NAV3: variants seen among roughly 807,000 people sequenced by gnomAD.
The protein encoded by NAV3 is neuron navigator 3.
In NAV3, 87 loss-of-function variants were observed where a neutral mutation model predicts 244.7. The ratio of observed to expected loss-of-function variants is 0.36; its 90% CI spans 0.30 to 0.42. NAV3 has a LOEUF of 0.42. Among genes scored for constraint, NAV3 ranks in the 20% least tolerant of loss-of-function variants. NAV3 has a pLI of 1.00. For missense variants in NAV3, 2,663 were observed against 2,893.3 expected (o/e 0.92, Z 1.83); for synonymous variants, 1,126 against 1,042.2 (o/e 1.08, Z -1.55).
At chr12:78,115,924 A>G (rs1211378440) in intron 12 of NAV3, among the ~76,000 whole-genome samples, 4 of 152,246 alleles carry the variant, frequency 2.6e-5, no homozygotes, top group East Asian at 3.8e-4. Context: ...TTAATACAGT[A>G]TGTAACAATA....
chr12:78,162,474 C>A (rs1191037584), intron 23 of NAV3, among the ~76,000 whole-genome samples: 2 of 151,836 alleles, frequency 1.3e-5, no homozygotes, highest in African/African-American at 4.8e-5. Flanking sequence ...ATGTAATATT[C>A]CTCATGGAGT....
intron 1 of NAV3, among the ~76,000 whole-genome samples, chr12:77,879,352 G>A (rs889837855): frequency 2.6e-5 from 4 of 151,944 alleles, no homozygotes; most frequent in Non-Finnish European, 5.9e-5. Flanking sequence ...GGGCTATATA[G>A]GCTGAATTAT....
intron 2 of NAV3, among the ~76,000 whole-genome samples, chr12:77,792,489 T>C (rs1871225389): frequency 6.6e-6 from 1 of 152,194 alleles, no homozygotes; most frequent in Non-Finnish European, 1.5e-5. Flanking sequence ...ACAAGGAACC[T>C]GCTGCCCTGC....
At chr12:78,109,362 A>T (rs1954970158) in intron 12 of NAV3, among the ~76,000 whole-genome samples, 1 of 152,042 alleles carries the variant, frequency 6.6e-6, no homozygotes, top group African/African-American at 2.4e-5. Flanking sequence ...TCACAGCCTA[A>T]TTCTACCAAT....
intron 21 of NAV3, 71 bp downstream of exon 21, chr12:78,146,463 G>T: frequency 3.4e-6 from 2 of 596,546 alleles, no homozygotes; most frequent in South Asian, 9.2e-5. Flanking sequence ...TTAGTCTTGT[G>T]ACCACTAGAG....
chr12:77,776,840 G>T (rs549097858), intron 2 of NAV3, among the ~76,000 whole-genome samples: 1 of 152,256 alleles, frequency 6.6e-6, no homozygotes, highest in East Asian at 1.9e-4. Flanking sequence ...AATTAGCCCG[G>T]TCTGGTGGAG....
chr12:77,667,486 C>T (rs1873768213), intron 2 of NAV3, among the ~76,000 whole-genome samples: 1 of 152,040 alleles, frequency 6.6e-6, no homozygotes. Flanking sequence ...GTGGCTTCCC[C>T]CCACTTCCCT....
At chr12:78,058,273 G>C (rs1883809303) in intron 11 of NAV3, among the ~76,000 whole-genome samples, 1 of 152,154 alleles carries the variant, frequency 6.6e-6, no homozygotes, top group Non-Finnish European at 1.5e-5. Context: ...CATGGCTGGG[G>C]AGGCTTCACA....
chr12:77,869,034 AAAACAAACAAAC>A (rs368022962), intron 1 of NAV3, among the ~76,000 whole-genome samples: 35 of 151,226 alleles, frequency 2.3e-4, no homozygotes, highest in African/African-American at 7.3e-4. Context: ...ATCGAGGTAA[AAAACAAACAAAC>A]AAACAAACAA....
At chr12:77,955,078 G>C (rs1023492270) in intron 3 of NAV3, among the ~76,000 whole-genome samples, 1 of 152,090 alleles carries the variant, frequency 6.6e-6, no homozygotes, top group Non-Finnish European at 1.5e-5. Flanking sequence ...TTCAGGATTT[G>C]TGCTCTGGAG....
chr12:78,168,651 A>C (rs1427092751), intron 23 of NAV3, 104 bp from the exon 24 acceptor site: 1 of 646,920 alleles, frequency 1.5e-6, no homozygotes, highest in African/African-American at 1.9e-5. Context: ...ATCTTCCAGG[A>C]GGTTGTTACT....
At chr12:77,751,235 T>C (rs1868836635) in intron 2 of NAV3, among the ~76,000 whole-genome samples, 2 of 152,224 alleles carry the variant, frequency 1.3e-5, no homozygotes, top group Admixed American at 1.3e-4. Flanking sequence ...TGAGCTTTTC[T>C]ACTTCAAAAA....
At chr12:78,009,331 G>A (rs1392798549) in intron 8 of NAV3, among the ~76,000 whole-genome samples, 3 of 150,968 alleles carry the variant, frequency 2.0e-5, no homozygotes, top group Non-Finnish European at 2.9e-5. Flanking sequence ...TAAGAAAAGA[G>A]GCATTAGAGA....
intron 5 of NAV3, among the ~76,000 whole-genome samples, chr12:77,982,625 C>G (rs923828145): frequency 1.3e-5 from 2 of 152,120 alleles, no homozygotes; most frequent in Admixed American, 1.3e-4. Context: ...ACAAAAGCAT[C>G]CCACAATCTA....
At chr12:77,786,270 G>A (rs1592681802) in intron 2 of NAV3, among the ~76,000 whole-genome samples, 1 of 152,172 alleles carries the variant, frequency 6.6e-6, no homozygotes, top group Non-Finnish European at 1.5e-5. Context: ...AGTGAAATAA[G>A]AGAACACTGA....
At chr12:77,582,931 T>C (rs572508083) in intron 2 of NAV3, among the ~76,000 whole-genome samples, 1 of 152,350 alleles carries the variant, frequency 6.6e-6, no homozygotes, top group South Asian at 2.1e-4. Flanking sequence ...AGTGCCTAAT[T>C]TACAGCACTT....
intron 2 of NAV3, among the ~76,000 whole-genome samples, chr12:77,753,832 G>A (rs1389156905): frequency 1.3e-5 from 2 of 152,150 alleles, no homozygotes; most frequent in African/African-American, 2.4e-5. Flanking sequence ...GGTACTTACT[G>A]AGGAAAGGAT....
chr12:78,049,717 C>A (rs1181167236), intron 9 of NAV3, among the ~76,000 whole-genome samples: 1 of 151,758 alleles, frequency 6.6e-6, no homozygotes, highest in Non-Finnish European at 1.5e-5. Context: ...GATTAGTAAA[C>A]AGCATATTTC....
chr12:77,814,598 G>A (rs1045117942), intron 2 of NAV3, among the ~76,000 whole-genome samples: 2 of 152,136 alleles, frequency 1.3e-5, no homozygotes, highest in Non-Finnish European at 2.9e-5. Context: ...TCCCTTGGGA[G>A]GGACAGTGGA....
Sources: gnomAD v4.1 joint callset for allele counts (sites outside exome capture counted in the v4.1 genomes callset) on GRCh38, gnomAD v4.1.1 for gene constraint, MANE v1.5 for transcripts, NCBI Gene and HGNC (gene_info 2026-07-23, HGNC 2026-07-21) for gene names.